C13orf42: variants seen among roughly 807,000 people sequenced by gnomAD.
C13orf42 encodes uncharacterized protein C13orf42.
intron 1 of C13orf42, among the ~76,000 whole-genome samples, chr13:51,170,729 G>A (rs1191379157): frequency 1.3e-5 from 2 of 152,162 alleles, no homozygotes; most frequent in African/African-American, 2.4e-5. Flanking sequence ...AAGGGTGTCA[G>A]ACCACGCAGG....
intron 1 of C13orf42, among the ~76,000 whole-genome samples, chr13:51,095,537 G>GT (rs532759692): frequency 0.014 from 2,048 of 147,610 alleles, 35 homozygotes; most frequent in African/African-American, 0.039. Context: ...TACTTATTTG[G>GT]TTTTTTTTTT....
chr13:51,166,252 C>G (rs571394017), intron 1 of C13orf42, among the ~76,000 whole-genome samples: 48 of 151,460 alleles, frequency 3.2e-4, no homozygotes, highest in Non-Finnish European at 5.7e-4. Context: ...CCATGGAATA[C>G]TATGCAGCCA....
At position 51,090,051 on chromosome 13, in the gene C13orf42, A is replaced by G. The variant is rs142267700; in HGVS notation, c.415-1976T>C. Among the ~76,000 whole-genome samples the G allele has an allele frequency of 8.9e-3, 1,355 of 152,112 alleles. 28 individuals are homozygous for G. The highest frequency in any genetic ancestry group is 0.031 in the African/African-American group (1,295 of 41,516). On this transcript the variant is annotated intron_variant, in intron 1 of 3. Transcript: ENST00000563710. Reference sequence around the variant, plus strand: ...ACACCAGGCACAATAAGGGCTGGGCATGGGATGAGACTAAAAAACCAGGAG... The same window carrying G: ...ACACCAGGCACAATAAGGGCTGGGCGTGGGATGAGACTAAAAAACCAGGAG...
At chr13:51,106,788 C>T (rs1357156173) in intron 1 of C13orf42, among the ~76,000 whole-genome samples, 3 of 152,200 alleles carry the variant, frequency 2.0e-5, no homozygotes, top group East Asian at 1.9e-4. Flanking sequence ...ACAAGACACA[C>T]TTCAAACATG....
In C13orf42 at chr13:51,083,484, G is replaced by A. The variant is rs1953086825; in HGVS notation, c.*667C>T. On this transcript the variant is annotated 3_prime_UTR_variant, in exon 4 of 4. Transcript: ENST00000563710. Reference sequence around the variant, plus strand: ...CCTTCTTCTCTTGTCAATTGCCTATGTGAAGGGGAGCTGAGTTTTGGGGCC... The same window carrying A: ...CCTTCTTCTCTTGTCAATTGCCTATATGAAGGGGAGCTGAGTTTTGGGGCC... The A allele has an allele frequency of 6.6e-6, 1 of 152,216 alleles. No individual in the cohort carries two copies. Among genetic ancestry groups the A allele is most frequent in the Non-Finnish European group, 1.5e-5 (1 of 68,038 alleles). The allele number at this position is 152,216 out of a possible 1,614,324, so 9.4% of individuals were successfully genotyped here. A position where few individuals can be genotyped will look rare whatever the true frequency, so the allele number is the denominator to read the frequency against.
Position 51,088,095 on chromosome 13 carries a change from G to A in C13orf42, c.415-20C>T, listed in dbSNP as rs1953148712. On this transcript the variant is annotated intron_variant, in intron 1 of 3. Transcript: ENST00000563710. ...TGCTTTCTGCAAGAGGTGAAGGGGA[G>A]AAGAGAGAGTTGCCTGAGCCAGTAA... 7.5e-6 allele frequency: 3 copies of A among 398,668 alleles called. No individual in the cohort carries two copies. The highest frequency in any genetic ancestry group is 4.4e-5 in the Admixed American group (1 of 22,714). 24.7% of individuals were successfully genotyped at this position (398,668 alleles called of 1,614,324 possible).
chr13:51,117,593 T>C (rs1953501971), intron 1 of C13orf42, among the ~76,000 whole-genome samples: 1 of 152,174 alleles, frequency 6.6e-6, no homozygotes. Context: ...CTGAGACTGA[T>C]GGTACTTTTG....
intron 1 of C13orf42, among the ~76,000 whole-genome samples, chr13:51,138,702 G>T (rs1411614856): frequency 6.6e-6 from 1 of 152,068 alleles, no homozygotes; most frequent in Non-Finnish European, 1.5e-5. Flanking sequence ...TTAAAAATAG[G>T]ACAACCATAC....
At chr13:51,150,972 T>C (rs1953773775) in intron 1 of C13orf42, among the ~76,000 whole-genome samples, 1 of 152,194 alleles carries the variant, frequency 6.6e-6, no homozygotes, top group African/African-American at 2.4e-5. Context: ...TACAGAGCTG[T>C]AGAATCTTCA....
chr13:51,089,568 C>T (rs1292267143), intron 1 of C13orf42, among the ~76,000 whole-genome samples: 1 of 152,092 alleles, frequency 6.6e-6, no homozygotes, highest in Non-Finnish European at 1.5e-5. Flanking sequence ...GCTGCCTACT[C>T]TCCCTTCACC....
chr13:51,156,658 T>C (rs983074347), intron 1 of C13orf42, among the ~76,000 whole-genome samples: 3 of 152,194 alleles, frequency 2.0e-5, no homozygotes, highest in African/African-American at 7.2e-5. Flanking sequence ...CCATATAAGA[T>C]TATTGTAAAG....
At position 51,085,402 on chromosome 13, in the gene C13orf42, G is replaced by A. The variant is rs907663578; in HGVS notation, c.720C>T (p.Leu240=). 49 of 398,562 alleles carry A rather than the reference G, an allele frequency of 1.2e-4. No homozygotes were observed. The highest frequency in any genetic ancestry group is 1.7e-4 in the Non-Finnish European group (38 of 226,060). The allele number at this position is 398,562 out of a possible 1,614,324, so 24.7% of individuals were successfully genotyped here. A position where few individuals can be genotyped will look rare whatever the true frequency, so the allele number is the denominator to read the frequency against. Residue 240 remains leucine (L), a synonymous_variant, in exon 3 of 4, where the codon CTC becomes CTT. Coordinates refer to ENST00000563710, the MANE Select transcript of C13orf42 (RefSeq NM_001351589.3). ...EHRTVGTQRR[L]ERHPIYLPKA... is the part of the protein sequence containing the mutation. ...TGGGCAAATAAATGGGGTGCCTCTCGAGTCTCCTCTGAGTGCCCACGGTCC... is the reference window on the plus strand; with the variant it reads ...TGGGCAAATAAATGGGGTGCCTCTCAAGTCTCCTCTGAGTGCCCACGGTCC...
At chr13:51,149,937 C>G (rs1017227660) in intron 1 of C13orf42, among the ~76,000 whole-genome samples, 2 of 152,204 alleles carry the variant, frequency 1.3e-5, no homozygotes, top group African/African-American at 4.8e-5. Context: ...AAATAGCACT[C>G]TTCCCAGAAA....
chr13:51,146,306 C>T (rs1408521552), intron 1 of C13orf42, among the ~76,000 whole-genome samples: 3 of 152,182 alleles, frequency 2.0e-5, no homozygotes, highest in East Asian at 1.9e-4. Flanking sequence ...TTTGTATTGA[C>T]GGATTCCTTA....
At chr13:51,114,101 C>T (rs1953462405), upstream of C13orf42, among the ~76,000 whole-genome samples, 1 of 152,216 alleles carries the variant, frequency 6.6e-6, no homozygotes, top group African/African-American at 2.4e-5. Context: ...TGGGCTGGGG[C>T]AGCCACAGGC....
At chr13:51,132,147 A>C (rs563604870) in intron 1 of C13orf42, among the ~76,000 whole-genome samples, 45 of 152,292 alleles carry the variant, frequency 3.0e-4, no homozygotes, top group South Asian at 1.0e-3. Context: ...TTTGTGTAGA[A>C]ATGCAGGATA....
At chr13:51,094,032 T>C (rs1421520305) in intron 1 of C13orf42, among the ~76,000 whole-genome samples, 1 of 152,218 alleles carries the variant, frequency 6.6e-6, no homozygotes, top group East Asian at 1.9e-4. Flanking sequence ...GTTGTAATTA[T>C]TCTTTTTGAT....
chr13:51,111,884 G>T (rs895874137), upstream of C13orf42, among the ~76,000 whole-genome samples: 5 of 39,856 alleles, frequency 1.3e-4, no homozygotes, highest in South Asian at 1.9e-3. Flanking sequence ...CTCGCCCTGC[G>T]GTAATGGACC....
intron 1 of C13orf42, among the ~76,000 whole-genome samples, chr13:51,145,545 A>G (rs1028376914): frequency 1.3e-5 from 2 of 152,140 alleles, no homozygotes; most frequent in African/African-American, 2.4e-5. Context: ...TTTTTAAAAA[A>G]GGGGGGAAAT....
Sources: allele counts gnomAD v4.1 joint callset (sites outside exome capture counted in the v4.1 genomes callset), GRCh38; gene constraint gnomAD v4.1.1; transcripts MANE v1.5; gene names NCBI Gene and HGNC (gene_info 2026-07-23, HGNC 2026-07-21).